The following SMG6 variants were observed in gnomAD, a reference collection of about 807,000 sequenced individuals.
The protein encoded by SMG6 is telomerase-binding protein EST1A.
SMG6 carries 66 observed loss-of-function variants against 142.2 expected under a neutral mutation model. The ratio of observed to expected loss-of-function variants is 0.46; its 90% CI spans 0.38 to 0.57. SMG6 has a LOEUF of 0.57. Ranked by LOEUF, SMG6 falls within the 20% of genes least tolerant of loss-of-function variation. The probability of loss-of-function intolerance (pLI) is 0.00; values close to 1 mark genes in which losing one functional copy is unlikely to be tolerated. For missense variants in SMG6, 1,793 were observed against 1,832.0 expected (o/e 0.98, Z 0.39); for synonymous variants, 779 against 702.4 (o/e 1.11, Z -1.72).
chr17:2,180,163 C>T (rs1253649401), intron 12 of SMG6, among the ~76,000 whole-genome samples: 1 of 152,232 alleles, frequency 6.6e-6, no homozygotes, highest in African/African-American at 2.4e-5. Flanking sequence ...GCTCACTTGC[C>T]GAAGTAGGGG....
At chr17:2,074,167 C>A (rs1311708490) in intron 15 of SMG6, among the ~76,000 whole-genome samples, 1 of 152,102 alleles carries the variant, frequency 6.6e-6, no homozygotes, top group Non-Finnish European at 1.5e-5. Flanking sequence ...GCCTGAAACT[C>A]CCAGGCTCAA....
At chr17:2,067,485 CAG>C (rs1307661873) in intron 16 of SMG6, among the ~76,000 whole-genome samples, 1 of 152,180 alleles carries the variant, frequency 6.6e-6, no homozygotes, top group East Asian at 1.9e-4. Flanking sequence ...GGTAGGAAAG[CAG>C]AGAGACATAT....
At chr17:2,258,026 A>ATAT (rs1264955048) in intron 8 of SMG6, among the ~76,000 whole-genome samples, 23,451 of 88,004 alleles carry the variant, frequency 0.27, 3,608 homozygotes, top group East Asian at 0.47. Flanking sequence ...AAAAAAAAAA[A>ATAT]AAAAAAAAAT....
chr17:2,225,264 G>A (rs928796943), intron 10 of SMG6, among the ~76,000 whole-genome samples: 2 of 151,516 alleles, frequency 1.3e-5, no homozygotes, highest in Non-Finnish European at 2.9e-5. Flanking sequence ...GATCACTTGA[G>A]GTCAGGAGTT....
intron 1 of SMG6, among the ~76,000 whole-genome samples, chr17:2,301,752 G>A (rs1388398212): frequency 1.3e-5 from 2 of 152,232 alleles, no homozygotes; most frequent in African/African-American, 4.8e-5. Flanking sequence ...TGAGGCAGGA[G>A]AATAGCGTGA....
In SMG6 at chr17:2,172,308, G is replaced by C. The variant is rs573711668; in HGVS notation, c.3357+350C>G. Among the ~76,000 whole-genome samples, 103 of 152,172 alleles carry C rather than the reference G, an allele frequency of 6.8e-4. 1 individual carries two copies. Among genetic ancestry groups the C allele is most frequent in the Non-Finnish European group, 1.2e-3 (79 of 68,008 alleles). ...CCTAGTGCAGAGCTTTGTGGCGGAG[G>C]GGGGCGGGGAGGAAGGGGGAGAAAG... On this transcript the variant is annotated intron_variant, in intron 13 of 18. Coordinates refer to ENST00000263073, the MANE Select transcript of SMG6 (RefSeq NM_017575.5).
At chr17:2,105,497 C>T (rs746039267) in intron 13 of SMG6, among the ~76,000 whole-genome samples, 17 of 151,940 alleles carry the variant, frequency 1.1e-4, no homozygotes, top group Non-Finnish European at 1.9e-4. Context: ...GAGCCAAGAC[C>T]GCGCCACTGC....
intron 13 of SMG6, among the ~76,000 whole-genome samples, chr17:2,150,819 A>C (rs1472462252): frequency 6.6e-6 from 1 of 152,134 alleles, no homozygotes; most frequent in Admixed American, 6.5e-5. Context: ...GTGACATCTT[A>C]CACCGAGGCT....
chr17:2,155,481 T>C (rs991940274), intron 13 of SMG6, among the ~76,000 whole-genome samples: 11 of 152,160 alleles, frequency 7.2e-5, no homozygotes, highest in Non-Finnish European at 1.0e-4. Flanking sequence ...TCCAAAGATA[T>C]AGCAGATTAA....
intron 12 of SMG6, among the ~76,000 whole-genome samples, chr17:2,185,788 CAG>C (rs772732966): frequency 2.0e-5 from 3 of 151,728 alleles, no homozygotes; most frequent in East Asian, 1.9e-4. Flanking sequence ...GGTGAGAAGA[CAG>C]GGGGCGAGGG....
chr17:2,188,490 A>G lies in SMG6; in HGVS notation c.2895T>C (p.Ser965=). The stretch of plus-strand genomic sequence containing the variant: ...GAGCTGCGGCTTGTTCCTGGATCAC[A>G]GAGCGGCACTCCTCCGAGAAGCAGT... ...LKDCFSEECR[S]VIQEQAAALG... is the part of the protein sequence containing the mutation. Residue 965 remains serine (S), a synonymous_variant, in exon 11 of 19, where the codon TCT becomes TCC. Coordinates refer to ENST00000263073, the MANE Select transcript of SMG6 (RefSeq NM_017575.5). The G allele has an allele frequency of 1.2e-6, 2 of 1,614,156 alleles. No homozygotes were observed. Among genetic ancestry groups the G allele is most frequent in the Non-Finnish European group, 1.7e-6 (2 of 1,180,004 alleles).
chr17:2,061,255 C>T lies in SMG6; in HGVS notation c.*237G>A. The stretch of plus-strand genomic sequence containing the variant: ...CAGCTGCTGTTGCTGTAGCCAGCCA[C>T]CTCCCTGCTAAATCCTGGCAGCCCA... On this transcript the variant is annotated 3_prime_UTR_variant, in exon 19 of 19. Coordinates refer to ENST00000263073, the MANE Select transcript of SMG6 (RefSeq NM_017575.5). 2.2e-6 allele frequency: 1 copy of T among 458,266 alleles called. No homozygotes were observed. Among genetic ancestry groups the T allele is most frequent in the Non-Finnish European group, 4.0e-6 (1 of 250,920 alleles). 28.4% of individuals were successfully genotyped at this position (458,266 alleles called of 1,614,324 possible).
At chr17:2,265,424 C>A (rs770003716) in intron 8 of SMG6, among the ~76,000 whole-genome samples, 2 of 151,808 alleles carry the variant, frequency 1.3e-5, no homozygotes, top group African/African-American at 4.8e-5. Flanking sequence ...GCAGGAGAAA[C>A]GCTTGAACCT....
chr17:2,237,425 C>G, intron 9 of SMG6: 1 of 748,538 alleles, frequency 1.3e-6, no homozygotes, highest in Non-Finnish European at 1.6e-6. Flanking sequence ...CTGCTATTGT[C>G]TTCTGAGGTA....
intron 12 of SMG6, among the ~76,000 whole-genome samples, chr17:2,173,356 C>T (rs2071563619): frequency 6.6e-6 from 1 of 152,160 alleles, no homozygotes. Context: ...TCCTACAATG[C>T]TTTAGAAATC....
intron 10 of SMG6, among the ~76,000 whole-genome samples, chr17:2,219,681 T>C (rs1296714299): frequency 1.3e-5 from 2 of 151,668 alleles, no homozygotes; most frequent in African/African-American, 2.4e-5. Flanking sequence ...CCCATCTACC[T>C]GGGAGGCTGA....
intron 10 of SMG6, among the ~76,000 whole-genome samples, chr17:2,192,229 T>C (rs1162770208): frequency 6.6e-6 from 1 of 152,256 alleles, no homozygotes; most frequent in Non-Finnish European, 1.5e-5. Flanking sequence ...GAACCACTGC[T>C]TCTGATCAAT....
chr17:2,231,645 C>T (rs1265741643), intron 10 of SMG6, among the ~76,000 whole-genome samples: 2 of 152,054 alleles, frequency 1.3e-5, no homozygotes, highest in African/African-American at 2.4e-5. Context: ...TGCAGTGAGC[C>T]GAGATCGCAC....
intron 13 of SMG6, among the ~76,000 whole-genome samples, chr17:2,146,585 G>C (rs2151587749): frequency 6.6e-6 from 1 of 152,084 alleles, no homozygotes; most frequent in East Asian, 1.9e-4. Context: ...CTGCCACTCA[G>C]GCTACAGTGC....
Sources: gnomAD v4.1 joint callset for allele counts (sites outside exome capture counted in the v4.1 genomes callset) on GRCh38, gnomAD v4.1.1 for gene constraint, MANE v1.5 for transcripts, NCBI Gene and HGNC (gene_info 2026-07-23, HGNC 2026-07-21) for gene names.